The following CNTNAP2 variants were observed in gnomAD, a reference collection of about 807,000 sequenced individuals.
CNTNAP2 encodes the protein contactin-associated protein-like 2.
Under a neutral mutation model 155.2 loss-of-function variants are expected in CNTNAP2, and 98 were observed. The observed-to-expected ratio is 0.63, with a 90% CI of 0.54 to 0.75. CNTNAP2 has a LOEUF of 0.75. CNTNAP2 is among the 30% of genes least tolerant of loss of function. The pLI, the probability that CNTNAP2 is intolerant of heterozygous loss-of-function variation, is 0.00. For missense variants in CNTNAP2, 1,727 were observed against 1,688.1 expected, an observed-to-expected ratio of 1.02 and a Z score of -0.40; for synonymous variants, 651 against 631.2, an observed-to-expected ratio of 1.03 and a Z score of -0.47.
At chr7:147,469,113 G>A (rs533800550) in intron 10 of CNTNAP2, among the ~76,000 whole-genome samples, 1 of 152,118 alleles carries the variant, frequency 6.6e-6, no homozygotes, top group East Asian at 1.9e-4. Context: ...ATGAGCTGCC[G>A]TGACAGCCAA....
intron 3 of CNTNAP2, among the ~76,000 whole-genome samples, chr7:146,908,171 A>T (rs1165830623): frequency 6.6e-6 from 1 of 152,052 alleles, no homozygotes; most frequent in East Asian, 1.9e-4. Flanking sequence ...GTGACCTACA[A>T]AGAGACTTAG....
At chr7:147,924,143 C>CTTTTCTTT (rs1554450278) in intron 14 of CNTNAP2, among the ~76,000 whole-genome samples, 1 of 123,494 alleles carries the variant, frequency 8.1e-6, no homozygotes, top group Non-Finnish European at 1.6e-5. Flanking sequence ...CTTTTCTTTT[C>CTTTTCTTT]TTTTTTTTTT....
At chr7:148,301,306 A>AAAAAAAATAT in intron 21 of CNTNAP2, among the ~76,000 whole-genome samples, 1,740 of 103,750 alleles carry the variant, frequency 0.017, 30 homozygotes, top group Non-Finnish European at 0.021. Flanking sequence ...AAAAAAAAAA[A>AAAAAAAATAT]ATATATATAT....
intron 13 of CNTNAP2, among the ~76,000 whole-genome samples, chr7:147,734,101 G>C (rs567669397): frequency 6.6e-6 from 1 of 152,028 alleles, no homozygotes; most frequent in Non-Finnish European, 1.5e-5. Context: ...GCCTGTTTTC[G>C]AAGGGAATGC....
chr7:146,640,967 A>AT (rs763826748), intron 1 of CNTNAP2, among the ~76,000 whole-genome samples: 10 of 152,316 alleles, frequency 6.6e-5, no homozygotes, highest in Non-Finnish European at 1.5e-4. Context: ...AATGCCTAAA[A>AT]TGTGAATAAG....
At chr7:147,395,500 G>T in intron 9 of CNTNAP2, 109 bp from the exon 10 acceptor site, 1 of 1,074,612 alleles carries the variant, frequency 9.3e-7, no homozygotes, top group East Asian at 2.4e-5. Context: ...AAGGATTAAA[G>T]AAACAGTAGT....
rs576329561 is a variant in CNTNAP2, at chr7:146,630,888, A to G, written c.98-143383A>G. Among the ~76,000 whole-genome samples, 20 of 152,190 alleles carry G rather than the reference A, an allele frequency of 1.3e-4. No homozygotes were observed. The South Asian group carries it at 4.1e-3, about 32-fold the overall frequency. ...ACCTCTTCAAGGAGTATTACAAACCACTGCTCAAGGAAATAAGAGAGAACA... is the reference window on the plus strand; with the variant it reads ...ACCTCTTCAAGGAGTATTACAAACCGCTGCTCAAGGAAATAAGAGAGAACA... On this transcript the variant is annotated intron_variant, in intron 1 of 23. Coordinates refer to ENST00000361727, the MANE Select transcript of CNTNAP2 (RefSeq NM_014141.6).
chr7:147,457,570 CT>C (rs1291172801), intron 10 of CNTNAP2, among the ~76,000 whole-genome samples: 4 of 127,848 alleles, frequency 3.1e-5, no homozygotes, highest in African/African-American at 1.1e-4. Context: ...GTTTTTTTTC[CT>C]GTTTTTCTTA....
At chr7:147,914,045 T>A (rs1488186900) in intron 14 of CNTNAP2, among the ~76,000 whole-genome samples, 1 of 151,384 alleles carries the variant, frequency 6.6e-6, no homozygotes, top group South Asian at 2.1e-4. Flanking sequence ...ATACCATTTT[T>A]TGTAGCAGTC....
chr7:146,342,217 T>C (rs1052723039), intron 1 of CNTNAP2, among the ~76,000 whole-genome samples: 2 of 152,120 alleles, frequency 1.3e-5, no homozygotes, highest in African/African-American at 4.8e-5. Flanking sequence ...GGAGTACTCT[T>C]GAAAACCCTA....
rs368426481 is a variant in CNTNAP2 at position 146,161,657 on chromosome 7, A to T, written c.97+44684A>T. On this transcript the variant is annotated intron_variant, in intron 1 of 23. Transcript: ENST00000361727. ...TGCCTTTCTTCACAGAATTGGAAAA[A>T]ACTACTTTAAAGTTCATATGGAACC... 3.0e-4 allele frequency among the ~76,000 whole-genome samples: 45 copies of T among 152,330 alleles called. No individual in the cohort carries two copies. The East Asian group carries it at 3.5e-3, about 12-fold the overall frequency.
intron 3 of CNTNAP2, among the ~76,000 whole-genome samples, chr7:146,919,275 C>A (rs1349984377): frequency 6.6e-6 from 1 of 152,076 alleles, no homozygotes; most frequent in Non-Finnish European, 1.5e-5. Flanking sequence ...TGCCATATTA[C>A]CAGAATTGTT....
chr7:146,204,051 T>C (rs1396263074), intron 1 of CNTNAP2, among the ~76,000 whole-genome samples: 1 of 152,176 alleles, frequency 6.6e-6, no homozygotes, highest in Non-Finnish European at 1.5e-5. Context: ...AATATATTCA[T>C]GTTGACTTGC....
intron 1 of CNTNAP2, among the ~76,000 whole-genome samples, chr7:146,421,147 C>G (rs1434143899): frequency 6.6e-6 from 1 of 151,944 alleles, no homozygotes; most frequent in Non-Finnish European, 1.5e-5. Flanking sequence ...TAAGATTTGT[C>G]ATCTGTTACA....
At chr7:148,181,858 C>T (rs1375770445) in intron 18 of CNTNAP2, among the ~76,000 whole-genome samples, 2 of 143,886 alleles carry the variant, frequency 1.4e-5, no homozygotes, top group East Asian at 2.2e-4. Flanking sequence ...CCCGGGTTCA[C>T]GCCATTCTCC....
At chr7:147,917,904 A>G (rs533246801) in intron 14 of CNTNAP2, among the ~76,000 whole-genome samples, 1 of 152,118 alleles carries the variant, frequency 6.6e-6, no homozygotes, top group African/African-American at 2.4e-5. Flanking sequence ...CATTGTAAGG[A>G]TATTTGTATT....
At chr7:146,887,650 A>G (rs1411296935) in intron 3 of CNTNAP2, among the ~76,000 whole-genome samples, 2 of 152,044 alleles carry the variant, frequency 1.3e-5, no homozygotes, top group Non-Finnish European at 2.9e-5. Context: ...CATACGGTCT[A>G]TATTCCCCTG....
At chr7:147,993,102 A>C (rs180720215) in intron 15 of CNTNAP2, among the ~76,000 whole-genome samples, 1 of 152,350 alleles carries the variant, frequency 6.6e-6, no homozygotes, top group East Asian at 1.9e-4. Flanking sequence ...TCACGACGTC[A>C]GGATTGCTAT....
intron 8 of CNTNAP2, among the ~76,000 whole-genome samples, chr7:147,142,709 A>G (rs1182962448): frequency 6.6e-6 from 1 of 152,160 alleles, no homozygotes; most frequent in Non-Finnish European, 1.5e-5. Flanking sequence ...ATATGTAACT[A>G]ACCTGCATGT....
Sources: gnomAD v4.1 joint callset for allele counts (sites outside exome capture counted in the v4.1 genomes callset) on GRCh38, gnomAD v4.1.1 for gene constraint, MANE v1.5 for transcripts, NCBI Gene and HGNC (gene_info 2026-07-23, HGNC 2026-07-21) for gene names.